The following CCNI2 variants were observed in gnomAD, a reference collection of about 807,000 sequenced individuals.
CCNI2 encodes cyclin I family member 2.
In CCNI2, 32 loss-of-function variants were observed where a neutral mutation model predicts 33.2. The observed-to-expected ratio is 0.96, with a 90% CI of 0.73 to 1.30. The LOEUF is 1.30. CCNI2 is among the 50% of genes most tolerant of loss of function. CCNI2 has a pLI of 0.00. For synonymous variants in CCNI2, 231 were observed against 219.9 expected, an observed-to-expected ratio of 1.05 and a Z score of -0.45; for missense variants, 452 against 486.2, an observed-to-expected ratio of 0.93 and a Z score of 0.66.
rs1270327246 is a variant in CCNI2 at position 132,747,570 on chromosome 5, T to C, written c.75T>C (p.Arg25=). 1.3e-6 allele frequency: 2 copies of C among 1,495,316 alleles called. No individual in the cohort carries two copies. Among genetic ancestry groups the C allele is most frequent in the Non-Finnish European group, 1.8e-6 (2 of 1,128,522 alleles). The allele number at this position is 1,495,316 out of a possible 1,614,324, so 92.6% of individuals were successfully genotyped here. A position where few individuals can be genotyped will look rare whatever the true frequency, so the allele number is the denominator to read the frequency against. The change falls in exon 1 of 6, where the codon CGT becomes CGC. Residue 25 remains arginine (R), a synonymous_variant. Coordinates refer to ENST00000378731, the MANE Select transcript of CCNI2 (RefSeq NM_001039780.4). This position sits in a 1 kb window ranked among gnomAD's most constrained non-coding sequence, Gnocchi z 4.1. ...GCGCCGTCCAGAGCCCAGGCGGGCG[T>C]CCCGGCGCCGGTCTGGAGGAAACAG... ...EVSAVQSPGG[R]PGAGLEETAL...
At chr5:132,755,870 C>G (rs1473020722), downstream of CCNI2, 1 of 704,800 alleles carries the variant, frequency 1.4e-6, no homozygotes, top group Non-Finnish European at 1.7e-6. Flanking sequence ...TAAAACAATT[C>G]CTACAGAAGT....
In CCNI2 at chr5:132,747,439, C is replaced by A; in HGVS notation, c.-57C>A. ...GCCCCAGGCTGCAGTGTTCCGGGAG[C>A]TGGGTTATAAAATGCCGGGTTAAGC... On this transcript the variant is annotated 5_prime_UTR_variant, in exon 1 of 6. The change creates a new upstream start codon in the 5' untranslated region. Transcript: ENST00000378731. The surrounding 1 kb of genome is among the most constrained non-coding windows in gnomAD (Gnocchi z 4.1). The A allele has an allele frequency of 3.7e-6, 5 of 1,363,736 alleles. No individual in the cohort carries two copies. Among genetic ancestry groups the A allele is most frequent in the East Asian group, 3.1e-5 (1 of 32,302 alleles). The allele number at this position is 1,363,736 out of a possible 1,614,324, so 84.5% of individuals were successfully genotyped here. A position where few individuals can be genotyped will look rare whatever the true frequency, so the allele number is the denominator to read the frequency against.
At chr5:132,752,358 C>T (rs903914971) in intron 5 of CCNI2, among the ~76,000 whole-genome samples, 162 bp downstream of exon 5, 1 of 152,162 alleles carries the variant, frequency 6.6e-6, no homozygotes. Flanking sequence ...CACACTTGGT[C>T]ACGCTCTATG....
rs192673273 is a variant in CCNI2, at chr5:132,748,031, C to T, written c.429+107C>T. ...TCTGAAACTGGAGGCCGGGCCCTTCCCCAGGTGTGGCCCCTCACGAGAGGC... is the reference window on the plus strand; with the variant it reads ...TCTGAAACTGGAGGCCGGGCCCTTCTCCAGGTGTGGCCCCTCACGAGAGGC... On this transcript the variant is annotated intron_variant, in intron 1 of 5. Coordinates refer to ENST00000378731, the MANE Select transcript of CCNI2 (RefSeq NM_001039780.4). The T allele has an allele frequency of 2.6e-4, 309 of 1,195,580 alleles. No individual in the cohort carries two copies. The African/African-American group carries it at 4.5e-3, about 18-fold the overall frequency. The allele number at this position is 1,195,580 out of a possible 1,614,324, so 74.1% of individuals were successfully genotyped here. A position where few individuals can be genotyped will look rare whatever the true frequency, so the allele number is the denominator to read the frequency against.
At chr5:132,754,421 G>A, downstream of CCNI2, 3 of 717,456 alleles carry the variant, frequency 4.2e-6, no homozygotes, top group Non-Finnish European at 7.8e-6. Context: ...TACCAGTTTA[G>A]GCATCCCAGG....
chr5:132,751,002 G>C lies in CCNI2; in HGVS notation c.774+5G>C, dbSNP rs769935355. ...CCGCTGGACTTCTTGACTATAGTGA[G>C]TAAGGAGGTGTTTACAGAGTCTACC... On this transcript the variant is annotated splice_donor_5th_base_variant and intron_variant, in intron 4 of 5. Coordinates refer to ENST00000378731, the MANE Select transcript of CCNI2 (RefSeq NM_001039780.4). 8.7e-6 allele frequency: 14 copies of C among 1,612,146 alleles called. No homozygotes were observed. In the South Asian group the frequency reaches 1.5e-4, roughly 18 times the overall value.
At chr5:132,748,946 T>C (rs1474440401) in intron 2 of CCNI2, among the ~76,000 whole-genome samples, 1 of 151,764 alleles carries the variant, frequency 6.6e-6, no homozygotes, top group Non-Finnish European at 1.5e-5. Context: ...CTTTTAAAAA[T>C]GGGAAAAAAA....
chr5:132,748,037 T>C (rs1251924461), intron 1 of CCNI2, 113 bp downstream of exon 1: 5 of 1,167,862 alleles, frequency 4.3e-6, no homozygotes, highest in Non-Finnish European at 5.7e-6. Context: ...CTTCCCCAGG[T>C]GTGGCCCCTC....
chr5:132,748,541 C>T, intron 2 of CCNI2, 66 bp downstream of exon 2: 1 of 1,588,432 alleles, frequency 6.3e-7, no homozygotes, highest in Non-Finnish European at 8.6e-7. Flanking sequence ...CTCCCCATTC[C>T]TGCTTGAGAG....
At chr5:132,752,330 C>A in intron 5 of CCNI2, 134 bp downstream of exon 5, 1 of 1,090,698 alleles carries the variant, frequency 9.2e-7, no homozygotes, top group Non-Finnish European at 1.3e-6. Flanking sequence ...AAAGAGTCTG[C>A]CCAAAGGCTA....
At chr5:132,755,055 C>G (rs1581132899), downstream of CCNI2, among the ~76,000 whole-genome samples, 1 of 152,102 alleles carries the variant, frequency 6.6e-6, no homozygotes, top group African/African-American at 2.4e-5. Flanking sequence ...CCCTCCTCCC[C>G]CTGGCTTCCT....
chr5:132,755,997 CA>C (rs1755294051), downstream of CCNI2: 2 of 985,076 alleles, frequency 2.0e-6, no homozygotes, highest in South Asian at 4.7e-5. Flanking sequence ...AAAGACACCA[CA>C]AAAACTCAAA....
chr5:132,753,057 T>C lies in CCNI2; in HGVS notation c.*87T>C. The stretch of plus-strand genomic sequence containing the variant: ...CATGAGTTCTTTGGCTTGTTATGAA[T>C]CCTGTAAAAAGGGAAGGTGGCTCTG... On this transcript the variant is annotated 3_prime_UTR_variant, in exon 6 of 6. Transcript: ENST00000378731. The C allele has an allele frequency of 9.2e-7, 1 of 1,092,534 alleles. No individual in the cohort carries two copies. The highest frequency in any genetic ancestry group is 1.4e-6 in the Non-Finnish European group (1 of 728,004). The allele number at this position is 1,092,534 out of a possible 1,614,324, so 67.7% of individuals were successfully genotyped here.
Position 132,752,903 on chromosome 5 carries a change from T to G in CCNI2, c.1043T>G (p.Val348Gly). The change falls in exon 6 of 6, where the codon GTA becomes GGA. Residue 348 changes from valine to glycine, a missense_variant. Physicochemically the swap from Val to Gly is moderately radical, Grantham distance 109. Coordinates refer to ENST00000378731, the MANE Select transcript of CCNI2 (RefSeq NM_001039780.4). ...DMQYSCCKEL[V>G]MQQLRSLQSS... ...CAGTACAGCTGCTGCAAGGAACTTG[T>G]AATGCAGCAACTGAGAAGTCTTCAG... The G allele has an allele frequency of 6.2e-7, 1 of 1,614,166 alleles. No homozygotes were observed. Among genetic ancestry groups the G allele is most frequent in the Non-Finnish European group, 8.5e-7 (1 of 1,180,032 alleles).
At chr5:132,748,173 G>A (rs1754666412) in intron 1 of CCNI2, among the ~76,000 whole-genome samples, 174 bp from the exon 2 acceptor site, 1 of 152,196 alleles carries the variant, frequency 6.6e-6, no homozygotes, top group African/African-American at 2.4e-5. Flanking sequence ...CGCGAGGGGT[G>A]GGGGTGATGG....
chr5:132,752,344 T>C, intron 5 of CCNI2, 148 bp downstream of exon 5: 1 of 948,318 alleles, frequency 1.1e-6, no homozygotes, highest in Admixed American at 2.9e-5. Flanking sequence ...AAGGCTAGGC[T>C]TTCCACACTT....
Position 132,749,380 on chromosome 5 carries a change from T to G in CCNI2, c.591T>G (p.Ile197Met). The G allele has an allele frequency of 6.2e-7, 1 of 1,614,196 alleles. No individual in the cohort carries two copies. Among genetic ancestry groups the G allele is most frequent in the Non-Finnish European group, 8.5e-7 (1 of 1,180,014 alleles). Residue 197 changes from isoleucine to methionine, a missense_variant, in exon 3 of 6, where the codon ATT (isoleucine) becomes ATG (methionine). Coordinates refer to ENST00000378731, the MANE Select transcript of CCNI2 (RefSeq NM_001039780.4). ...VKEKYLHCAT[I>M]TSLRLAAKVN... ...AGAAATACCTGCATTGCGCCACAAT[T>G]ACTTCCTTGAGGCTCGCTGCAAAAG... is the stretch of plus-strand genomic sequence containing the variant.
In CCNI2 at chr5:132,748,342, A is replaced by G. The variant is rs1306344680; in HGVS notation, c.430-5A>G. ...CCTCGCCCCACCTGCTCTTCTTCCT[A>G]GCAGGATGAAATCTGCGACGCCTTC... On this transcript the variant is annotated splice_region_variant and splice_polypyrimidine_tract_variant and intron_variant, in intron 1 of 5. Transcript: ENST00000378731. The G allele has an allele frequency of 6.2e-7, 1 of 1,613,914 alleles. No individual in the cohort carries two copies. Among genetic ancestry groups the G allele is most frequent in the Non-Finnish European group, 8.5e-7 (1 of 1,179,914 alleles).
Position 132,753,232 on chromosome 5 carries a change from G to A in CCNI2, c.*262G>A. 4.4e-6 allele frequency: 2 copies of A among 457,794 alleles called. No individual in the cohort carries two copies. Among genetic ancestry groups the A allele is most frequent in the Non-Finnish European group, 4.0e-6 (1 of 252,408 alleles). The allele number at this position is 457,794 out of a possible 1,614,324, so 28.4% of individuals were successfully genotyped here. On this transcript the variant is annotated 3_prime_UTR_variant, in exon 6 of 6. Transcript: ENST00000378731. ...TTTTCTCCTCTGGGCCTGAAGCCAG[G>A]GAGTATGAATGAATGTTCAAATGGC...
Sources: allele counts gnomAD v4.1 joint callset (sites outside exome capture counted in the v4.1 genomes callset), GRCh38; gene constraint gnomAD v4.1.1; non-coding constraint Gnocchi (gnomAD v3.1); transcripts MANE v1.5; gene names NCBI Gene and HGNC (gene_info 2026-07-23, HGNC 2026-07-21).